Variants in CHRAC1 observed in about 807,000 individuals in gnomAD.
CHRAC1 encodes chromatin accessibility complex protein 1.
A neutral mutation model predicts 9.1 loss-of-function variants in CHRAC1; 6 were observed. The observed-to-expected ratio is 0.66, with a 90% CI of 0.36 to 1.29. The LOEUF (loss-of-function observed/expected upper bound fraction) is 1.29. Among genes scored for constraint, CHRAC1 ranks in the 50% most tolerant of loss-of-function variants. The pLI, the probability that CHRAC1 is intolerant of heterozygous loss-of-function variation, is 0.03. For missense variants in CHRAC1, 168 were observed against 163.5 expected (o/e 1.03, Z -0.15); for synonymous variants, 73 against 64.5 (o/e 1.13, Z -0.63).
chr8:140,515,373 T>G lies in CHRAC1; in HGVS notation c.*126T>G, dbSNP rs1209940334. ...CTTCACAGAGTTCCAGTGTGTGGTA[T>G]TCTTTCGAGGTATTCTTTCCAGGCC... On this transcript the variant is annotated 3_prime_UTR_variant, in exon 3 of 3. Transcript: ENST00000220913. 3.1e-6 allele frequency: 3 copies of G among 977,468 alleles called. No individual in the cohort carries two copies. In the African/African-American group the frequency reaches 4.9e-5, roughly 16 times the overall value. 60.5% of individuals were successfully genotyped at this position (977,468 alleles called of 1,614,324 possible).
Position 140,517,114 on chromosome 8 carries a change from T to C in CHRAC1, c.*1867T>C, listed in dbSNP as rs1279887797. 2.0e-5 allele frequency: 3 copies of C among 152,258 alleles called. No homozygotes were observed. Among genetic ancestry groups the C allele is most frequent in the Non-Finnish European group, 4.4e-5 (3 of 68,042 alleles). The allele number at this position is 152,258 out of a possible 1,614,324, so 9.4% of individuals were successfully genotyped here. A position where few individuals can be genotyped will look rare whatever the true frequency, so the allele number is the denominator to read the frequency against. ...ACCATTTAATAATGTAAATACTTGC[T>C]AGCTTATGTGCCATTAAAAAATGAC... On this transcript the variant is annotated 3_prime_UTR_variant, in exon 3 of 3. Coordinates refer to ENST00000220913, the MANE Select transcript of CHRAC1 (RefSeq NM_017444.6).
intron 1 of CHRAC1, among the ~76,000 whole-genome samples, chr8:140,512,325 G>A (rs2072286699): frequency 6.6e-6 from 1 of 152,206 alleles, no homozygotes; most frequent in Admixed American, 6.5e-5. Flanking sequence ...TGCGGTGCCA[G>A]CTCCAGCGGT....
intron 1 of CHRAC1, chr8:140,512,000 C>T: frequency 7.9e-7 from 1 of 1,271,510 alleles, no homozygotes; most frequent in Non-Finnish European, 1.0e-6. Context: ...CCCGCCGTTT[C>T]TCTCGCGCTT....
At chr8:140,513,913 C>CTTTTTTTTTTT (rs57880666) in intron 1 of CHRAC1, among the ~76,000 whole-genome samples, 13 of 87,472 alleles carry the variant, frequency 1.5e-4, no homozygotes, top group African/African-American at 3.5e-4. Flanking sequence ...CCAGTGATTT[C>CTTTTTTTTTTT]TTTTTTTTTT....
rs780370056 is a variant in CHRAC1 at position 140,514,493 on chromosome 8, C to G, written c.272C>G (p.Ala91Gly). 1 of 1,554,250 alleles carries G rather than the reference C, an allele frequency of 6.4e-7. No homozygotes were observed. Among genetic ancestry groups the G allele is most frequent in the Admixed American group, 2.3e-5 (1 of 42,920 alleles). The change falls in exon 2 of 3, where the codon GCA becomes GGA. Residue 91 changes from alanine to glycine, a missense_variant and splice_region_variant. Transcript: ENST00000220913. The stretch of plus-strand genomic sequence containing the variant: ...CAATCAGAAACTTTTCAGTTTCTTG[C>G]AGGTACTTAGTCTTTGAAACATTCT... ...AQQSETFQFL[A>G]DILPKKILAS...
At chr8:140,514,539 T>C in intron 2 of CHRAC1, 44 bp downstream of exon 2, 1 of 1,483,686 alleles carries the variant, frequency 6.7e-7, no homozygotes, top group Non-Finnish European at 9.0e-7. Context: ...TGATTAGTAA[T>C]CAATAGCTCT....
chr8:140,511,767 G>A (rs910159014), intron 1 of CHRAC1, 121 bp downstream of exon 1: 9 of 936,894 alleles, frequency 9.6e-6, no homozygotes, highest in Middle Eastern at 3.8e-4. Flanking sequence ...CCGGGCTCGC[G>A]CGCGCCCCGC....
In CHRAC1 at chr8:140,511,468, CG is replaced by C; in HGVS notation, c.-30del. The C allele has an allele frequency of 4.6e-6, 6 of 1,309,902 alleles. No homozygotes were observed. Among genetic ancestry groups the C allele is most frequent in the Non-Finnish European group, 4.9e-6 (5 of 1,017,818 alleles). 81.1% of individuals were successfully genotyped at this position (1,309,902 alleles called of 1,614,324 possible). On this transcript the variant is annotated 5_prime_UTR_variant, in exon 1 of 3. Coordinates refer to ENST00000220913, the MANE Select transcript of CHRAC1 (RefSeq NM_017444.6). ...GCAGCCACTTCGCGGTCGGGCCCGC[CG>C]GCTGCGGGCACCCGCGCGACGGGCG...
rs1231064390 is a variant in CHRAC1 at position 140,514,383 on chromosome 8, A to G, written c.162A>G (p.Gln54=). 25 of 1,585,096 alleles carry G rather than the reference A, an allele frequency of 1.6e-5. No homozygotes were observed. Among genetic ancestry groups the G allele is most frequent in the African/African-American group, 5.5e-5 (4 of 72,902 alleles). The stretch of plus-strand genomic sequence containing the variant: ...TTTTGTTCTAGGAGCTCTTTGTTCA[A>G]TGCCTAGCCACCTATTCCTACAGAC... ...LTAKATELFV[Q]CLATYSYRHG... is the part of the protein sequence containing the mutation. Residue 54 remains glutamine (Q), a synonymous_variant, in exon 2 of 3, where the codon CAA becomes CAG. Transcript: ENST00000220913.
chr8:140,514,378 G>C lies in CHRAC1; in HGVS notation c.157G>C (p.Val53Leu). 1 of 1,583,780 alleles carries C rather than the reference G, an allele frequency of 6.3e-7. No homozygotes were observed. The highest frequency in any genetic ancestry group is 8.5e-7 in the Non-Finnish European group (1 of 1,171,738). ...TTTCATTTTGTTCTAGGAGCTCTTT[G>C]TTCAATGCCTAGCCACCTATTCCTA... ...VLTAKATELF[V>L]QCLATYSYRH... The change falls in exon 2 of 3, where the codon GTT becomes CTT. Residue 53 changes from valine (V) to leucine (L), a missense_variant. Val to Leu is a conservative substitution (Grantham distance 32). Coordinates refer to ENST00000220913, the MANE Select transcript of CHRAC1 (RefSeq NM_017444.6).
Position 140,514,385 on chromosome 8 carries a change from G to A in CHRAC1, c.164G>A (p.Cys55Tyr), listed in dbSNP as rs2231522. The change falls in exon 2 of 3, where the codon TGC becomes TAC. Residue 55 changes from cysteine (C) to tyrosine (Y), a missense_variant. By Grantham distance (194) the Cys-to-Tyr change is radical. Coordinates refer to ENST00000220913, the MANE Select transcript of CHRAC1 (RefSeq NM_017444.6). Reference sequence around the variant, plus strand: ...TTGTTCTAGGAGCTCTTTGTTCAATGCCTAGCCACCTATTCCTACAGACAC... The same window carrying A: ...TTGTTCTAGGAGCTCTTTGTTCAATACCTAGCCACCTATTCCTACAGACAC... ...TAKATELFVQ[C>Y]LATYSYRHGS... 9.4e-4 allele frequency: 1,488 copies of A among 1,585,218 alleles called. 9 individuals are homozygous for A. The African/African-American group carries it at 0.017, about 18-fold the overall frequency.
chr8:140,512,113 C>G (rs527893343), intron 1 of CHRAC1: 5 of 1,028,348 alleles, frequency 4.9e-6, no homozygotes, highest in Non-Finnish European at 6.5e-6. Context: ...AGTTTCCGGC[C>G]CTACCCGTGG....
chr8:140,511,668 G>A (rs780897450), intron 1 of CHRAC1, 22 bp downstream of exon 1: 25 of 1,360,442 alleles, frequency 1.8e-5, no homozygotes, highest in Non-Finnish European at 2.4e-5. Context: ...GGGCGGGGGT[G>A]TGGGCCGCCC....
chr8:140,511,758 C>G (rs1288278170), intron 1 of CHRAC1, 112 bp downstream of exon 1: 2 of 994,232 alleles, frequency 2.0e-6, no homozygotes, highest in African/African-American at 3.5e-5. Flanking sequence ...CTGCTCTTGC[C>G]GGGCTCGCGC....
chr8:140,512,332 C>T lies in CHRAC1; in HGVS notation c.147+686C>T, dbSNP rs192824182. On this transcript the variant is annotated intron_variant, in intron 1 of 2. Coordinates refer to ENST00000220913, the MANE Select transcript of CHRAC1 (RefSeq NM_017444.6). ...CCCGCGCGTGCGGTGCCAGCTCCAG[C>T]GGTCCGAGGCTTTCGAGCCCTCCCG... 2.7e-4 allele frequency among the ~76,000 whole-genome samples: 41 copies of T among 152,320 alleles called. No individual in the cohort carries two copies. The East Asian group carries it at 5.4e-3, about 20-fold the overall frequency.
Position 140,516,194 on chromosome 8 carries a change from C to A in CHRAC1, c.*947C>A, listed in dbSNP as rs2072335293. The A allele has an allele frequency of 6.8e-6, 1 of 148,046 alleles. No homozygotes were observed. Among genetic ancestry groups the A allele is most frequent in the African/African-American group, 2.5e-5 (1 of 39,932 alleles). 9.2% of individuals were successfully genotyped at this position (148,046 alleles called of 1,614,324 possible). On this transcript the variant is annotated 3_prime_UTR_variant, in exon 3 of 3. Coordinates refer to ENST00000220913, the MANE Select transcript of CHRAC1 (RefSeq NM_017444.6). The stretch of plus-strand genomic sequence containing the variant: ...ACAGATTCTCACTCAGTTGCCCAGG[C>A]TGGATTGCGGTGGCGCTGTCTCAGC...
chr8:140,512,025 C>T (rs1450364603), intron 1 of CHRAC1: 16 of 1,287,568 alleles, frequency 1.2e-5, no homozygotes, highest in Admixed American at 4.6e-5. Flanking sequence ...TCGGCAAACC[C>T]GTAAGCTCCC....
intron 1 of CHRAC1, among the ~76,000 whole-genome samples, chr8:140,512,779 TTTCA>T (rs2072293161): frequency 6.6e-6 from 1 of 152,246 alleles, no homozygotes; most frequent in South Asian, 2.1e-4. Context: ...TCCTATACAA[TTTCA>T]TTCTATTGGT....
chr8:140,511,773 C>T, intron 1 of CHRAC1, 127 bp downstream of exon 1: 1 of 877,566 alleles, frequency 1.1e-6, no homozygotes. Context: ...TCGCGCGCGC[C>T]CCGCTGTCCC....
Sources: allele counts gnomAD v4.1 joint callset (sites outside exome capture counted in the v4.1 genomes callset), GRCh38; gene constraint gnomAD v4.1.1; transcripts MANE v1.5; gene names NCBI Gene and HGNC (gene_info 2026-07-23, HGNC 2026-07-21).